The following ZNF69 variants were observed in gnomAD, a reference collection of about 807,000 sequenced individuals.
The protein encoded by ZNF69 is ZNF3.
A neutral mutation model predicts 50.9 loss-of-function variants in ZNF69; 47 were observed. The observed-to-expected ratio is 0.92, with a 90% CI of 0.73 to 1.18. The LOEUF (loss-of-function observed/expected upper bound fraction) is 1.18. ZNF69 is among the 50% of genes most tolerant of loss of function. The pLI is 0.00. For missense variants in ZNF69, 717 were observed against 675.1 expected (o/e 1.06, Z -0.69); for synonymous variants, 216 against 223.1 (o/e 0.97, Z 0.29).
chr19:11,947,819 A>G, the ZNF69 span, among the ~76,000 whole-genome samples: 7 of 152,220 alleles, frequency 4.6e-5, no homozygotes, highest in Non-Finnish European at 8.8e-5. Flanking sequence ...CAGCCTGTGC[A>G]ACATAACGAG....
downstream of ZNF69, among the ~76,000 whole-genome samples, chr19:11,910,554 A>T (rs1021971757): frequency 1.2e-4 from 19 of 152,220 alleles, no homozygotes; most frequent in African/African-American, 4.3e-4. Context: ...AAACCTGATA[A>T]AAACAAGAAA....
the ZNF69 span, chr19:11,956,511 G>T: frequency 2.5e-6 from 1 of 398,484 alleles, no homozygotes; most frequent in South Asian, 1.3e-4. Flanking sequence ...ACAGAGGCCT[G>T]AGTCCAGTGA....
At chr19:11,974,076 T>TCTTA in the ZNF69 span, among the ~76,000 whole-genome samples, 105 of 67,806 alleles carry the variant, frequency 1.5e-3, no homozygotes, top group Middle Eastern at 6.0e-3. Context: ...TTCTTTTCTT[T>TCTTA]CTTTCTTTCT....
At chr19:11,929,671 A>G in the ZNF69 span, among the ~76,000 whole-genome samples, 2 of 147,516 alleles carry the variant, frequency 1.4e-5, no homozygotes, top group Non-Finnish European at 2.9e-5. Context: ...TGTTATTTAA[A>G]TTTTTCCACA....
At chr19:11,954,623 G>A in the ZNF69 span, among the ~76,000 whole-genome samples, 2 of 152,088 alleles carry the variant, frequency 1.3e-5, no homozygotes, top group Admixed American at 6.6e-5. Context: ...TTGAGCCCAG[G>A]AGCTCAAGAC....
At chr19:11,897,816 G>A (rs1972158850) in intron 1 of ZNF69, among the ~76,000 whole-genome samples, 1 of 149,028 alleles carries the variant, frequency 6.7e-6, no homozygotes, top group Non-Finnish European at 1.5e-5. Context: ...AGGTTGCAGT[G>A]AGCCAAGATG....
At chr19:11,921,343 A>AT in the ZNF69 span, among the ~76,000 whole-genome samples, 23 of 150,170 alleles carry the variant, frequency 1.5e-4, no homozygotes, top group African/African-American at 4.4e-4. Context: ...CTGTTTTTAA[A>AT]TTTTTTGTGC....
At chr19:11,938,071 G>A in the ZNF69 span, among the ~76,000 whole-genome samples, 49 of 151,640 alleles carry the variant, frequency 3.2e-4, no homozygotes, top group African/African-American at 1.1e-3. Flanking sequence ...CATTCTTGTC[G>A]TTTTTTGTTC....
the ZNF69 span, chr19:11,978,020 A>G: frequency 2.0e-6 from 3 of 1,463,560 alleles, no homozygotes; most frequent in Non-Finnish European, 1.9e-6. Context: ...CAGAAAGCCT[A>G]CACCTTGATG....
intron 1 of ZNF69, among the ~76,000 whole-genome samples, chr19:11,894,982 T>A (rs1318766753): frequency 1.3e-5 from 2 of 152,118 alleles, no homozygotes; most frequent in African/African-American, 4.8e-5. Flanking sequence ...GCGGTGTTGG[T>A]GGAAAGTAGT....
At chr19:11,964,252 G>A in the ZNF69 span, among the ~76,000 whole-genome samples, 6 of 152,214 alleles carry the variant, frequency 3.9e-5, no homozygotes, top group African/African-American at 1.4e-4. Flanking sequence ...AAGCAGAAGA[G>A]ACGTGCAGAC....
chr19:11,979,997 G>C, the ZNF69 span: 1 of 1,169,474 alleles, frequency 8.6e-7, no homozygotes, highest in Non-Finnish European at 1.3e-6. Context: ...TAAGCAATGT[G>C]GGAAAGCCTT....
chr19:11,949,325 G>A, the ZNF69 span: 147 of 1,613,150 alleles, frequency 9.1e-5, no homozygotes, highest in African/African-American at 3.5e-4. Context: ...TCACAGCTTC[G>A]AGTGCACGGT....
downstream of ZNF69, among the ~76,000 whole-genome samples, chr19:11,910,495 A>G (rs1972442026): frequency 6.6e-6 from 1 of 152,208 alleles, no homozygotes; most frequent in Non-Finnish European, 1.5e-5. Flanking sequence ...GGAACAGAAT[A>G]GAGCCCTCAG....
intron 1 of ZNF69, among the ~76,000 whole-genome samples, chr19:11,890,530 C>G (rs1977059967): frequency 6.6e-6 from 1 of 152,206 alleles, no homozygotes. Flanking sequence ...TTTGTTAGTA[C>G]ATACCAAAAT....
chr19:11,927,150 C>G, the ZNF69 span, among the ~76,000 whole-genome samples: 1 of 152,022 alleles, frequency 6.6e-6, no homozygotes, highest in Non-Finnish European at 1.5e-5. Context: ...GTCAGGAGTT[C>G]GAGACCAGCC....
At chr19:11,913,546 G>A (rs781192261) in exon 5 of ZNF69, 38 of 385,950 alleles carry the variant, frequency 9.8e-5, no homozygotes, top group Non-Finnish European at 1.8e-4. Context: ...GCACCACCAC[G>A]CCAGGCTAAT....
chr19:11,975,097 CT>C, the ZNF69 span, among the ~76,000 whole-genome samples: 73 of 145,606 alleles, frequency 5.0e-4, no homozygotes, highest in East Asian at 1.2e-3. Context: ...ATGTTATTTT[CT>C]TTTTTTTTTT....
chr19:11,950,249 G>C, the ZNF69 span: 2 of 1,607,192 alleles, frequency 1.2e-6, no homozygotes, highest in African/African-American at 1.3e-5. Context: ...AAAGCATTCA[G>C]CTAGCCTGGT....
Sources: allele counts gnomAD v4.1 joint callset (sites outside exome capture counted in the v4.1 genomes callset), GRCh38; gene constraint gnomAD v4.1.1; transcripts MANE v1.5; gene names NCBI Gene and HGNC (gene_info 2026-07-23, HGNC 2026-07-21).